Variants in CCSER2 observed in about 807,000 individuals in gnomAD.
CCSER2 encodes serine-rich coiled-coil domain-containing protein 2.
A neutral mutation model predicts 92.3 loss-of-function variants in CCSER2; 46 were observed. That is an observed-to-expected ratio of 0.50 (90% confidence interval 0.39 to 0.64). The LOEUF (loss-of-function observed/expected upper bound fraction) is 0.64, where lower values mean the gene tolerates loss of function less well. CCSER2 is among the 30% of genes least tolerant of loss of function. The probability of loss-of-function intolerance (pLI) is 0.00; values close to 1 mark genes in which losing one functional copy is unlikely to be tolerated. For synonymous variants in CCSER2, 433 were observed against 431.4 expected (o/e 1.00, Z -0.04); for missense variants, 1,244 against 1,238.9 (o/e 1.00, Z -0.06).
rs180711813 is a variant in CCSER2 at position 84,505,342 on chromosome 10, G to A, written c.2326-8107G>A. On this transcript the variant is annotated intron_variant, in intron 9 of 9. Transcript: ENST00000372088. ...CTCTCTTTTCTTAGATTTCCTGGAA[G>A]GATATCATTTAATTAAAGGGTATAC... is the stretch of plus-strand genomic sequence containing the variant. Among the ~76,000 whole-genome samples the A allele has an allele frequency of 5.9e-3, 905 of 152,132 alleles. 9 individuals carry two copies. The highest frequency in any genetic ancestry group is 0.019 in the South Asian group (93 of 4,824).
intron 3 of CCSER2, among the ~76,000 whole-genome samples, chr10:84,379,109 A>C (rs1846503665): frequency 1.3e-5 from 2 of 152,156 alleles, no homozygotes; most frequent in African/African-American, 4.8e-5. Context: ...CTGGACCTGG[A>C]GTTTTCTTTA....
At chr10:84,387,518 A>G (rs1841285031) in intron 3 of CCSER2, among the ~76,000 whole-genome samples, 1 of 151,756 alleles carries the variant, frequency 6.6e-6, no homozygotes, top group East Asian at 1.9e-4. Flanking sequence ...TCATACCTGC[A>G]CTGAAGTAAT....
chr10:84,364,014 A>C (rs901124411), intron 1 of CCSER2, among the ~76,000 whole-genome samples: 1 of 152,234 alleles, frequency 6.6e-6, no homozygotes, highest in Non-Finnish European at 1.5e-5. Flanking sequence ...TTGTAACACA[A>C]TGGTAAGGAA....
chr10:84,328,949 C>T (rs1015582918), intron 1 of CCSER2, 141 bp downstream of exon 1: 13 of 151,880 alleles, frequency 8.6e-5, no homozygotes, highest in African/African-American at 3.1e-4. Flanking sequence ...CGTACCCGGC[C>T]TCCAGGGTGA....
chr10:84,510,955 T>C lies in CCSER2; in HGVS notation c.2326-2494T>C, dbSNP rs145644395. 2.3e-3 allele frequency among the ~76,000 whole-genome samples: 346 copies of C among 152,326 alleles called. 3 individuals carry two copies. The highest frequency in any genetic ancestry group is 8.0e-3 in the African/African-American group (333 of 41,570). ...AGTGGAATTGATTTTCCAAATATAGTTACCAAATAAATAATAAAGCAAGAC... is the reference window on the plus strand; with the variant it reads ...AGTGGAATTGATTTTCCAAATATAGCTACCAAATAAATAATAAAGCAAGAC... On this transcript the variant is annotated intron_variant, in intron 9 of 9. Transcript: ENST00000372088.
intron 3 of CCSER2, among the ~76,000 whole-genome samples, chr10:84,375,622 C>A (rs1326372888): frequency 6.7e-6 from 1 of 148,978 alleles, no homozygotes; most frequent in Non-Finnish European, 1.5e-5. Flanking sequence ...TTTTCACACT[C>A]CTTTTTTTCC....
At chr10:84,456,708 G>A (rs141054847) in intron 6 of CCSER2, among the ~76,000 whole-genome samples, 119 of 152,232 alleles carry the variant, frequency 7.8e-4, no homozygotes, top group African/African-American at 2.7e-3. Context: ...CACTAGCAAT[G>A]TAAGAATGTA....
intron 3 of CCSER2, among the ~76,000 whole-genome samples, chr10:84,382,368 AG>A (rs1368746245): frequency 2.0e-5 from 3 of 152,202 alleles, no homozygotes; most frequent in African/African-American, 7.2e-5. Flanking sequence ...CTAATAGGTT[AG>A]GAAGTAGTTT....
At chr10:84,511,533 T>C (rs1012456053) in intron 9 of CCSER2, among the ~76,000 whole-genome samples, 5 of 152,234 alleles carry the variant, frequency 3.3e-5, no homozygotes, top group African/African-American at 1.2e-4. Context: ...CATTTTTAAA[T>C]TGTCACTGAT....
At chr10:84,486,187 A>G (rs1176165405) in intron 9 of CCSER2, among the ~76,000 whole-genome samples, 2 of 152,198 alleles carry the variant, frequency 1.3e-5, no homozygotes, top group Admixed American at 6.5e-5. Context: ...TATTGTGAAT[A>G]GTGCTGCAGT....
At chr10:84,381,700 G>A (rs1417588645) in intron 3 of CCSER2, among the ~76,000 whole-genome samples, 1 of 152,022 alleles carries the variant, frequency 6.6e-6, no homozygotes, top group African/African-American at 2.4e-5. Flanking sequence ...GGCTGAGGCA[G>A]GTGGATCACC....
chr10:84,332,384 T>C (rs990349678), intron 1 of CCSER2, among the ~76,000 whole-genome samples: 1 of 146,046 alleles, frequency 6.8e-6, no homozygotes, highest in Admixed American at 6.8e-5. Flanking sequence ...GTAGGCTTTA[T>C]AGATTTTATA....
chr10:84,435,475 A>G lies in CCSER2; in HGVS notation c.1869-3037A>G, dbSNP rs1404813614. Among the ~76,000 whole-genome samples the G allele has an allele frequency of 2.6e-5, 4 of 152,204 alleles. No homozygotes were observed. The East Asian group carries it at 7.7e-4, about 29-fold the overall frequency. ...TCCCTTTCTAATGCTCTCTCACTTG[A>G]CAAAATAAGAAGTACCTTTTAATTT... On this transcript the variant is annotated intron_variant, in intron 5 of 9. Coordinates refer to ENST00000372088, the MANE Select transcript of CCSER2 (RefSeq NM_001284240.2).
chr10:84,389,436 A>T, intron 3 of CCSER2: 1 of 453,324 alleles, frequency 2.2e-6, no homozygotes, highest in South Asian at 1.6e-5. Context: ...GCAGAGGGAG[A>T]AGGTACCACG....
intron 4 of CCSER2, among the ~76,000 whole-genome samples, chr10:84,424,295 A>C (rs979943549): frequency 6.6e-6 from 1 of 152,094 alleles, no homozygotes; most frequent in African/African-American, 2.4e-5. Flanking sequence ...AAAAAAAAAA[A>C]ACTTGGTTTA....
chr10:84,416,634 T>C (rs946887696), intron 3 of CCSER2, among the ~76,000 whole-genome samples: 1 of 152,176 alleles, frequency 6.6e-6, no homozygotes, highest in African/African-American at 2.4e-5. Context: ...TTCCCTTCTA[T>C]AAGAGTTTTT....
intron 9 of CCSER2, among the ~76,000 whole-genome samples, 200 bp from the exon 10 acceptor site, chr10:84,513,249 A>G (rs1392526388): frequency 6.6e-6 from 1 of 152,086 alleles, no homozygotes; most frequent in African/African-American, 2.4e-5. Context: ...TACTGCCTGT[A>G]TCATTTTTTG....
chr10:84,399,470 A>G (rs1207758363), intron 3 of CCSER2, among the ~76,000 whole-genome samples: 1 of 152,192 alleles, frequency 6.6e-6, no homozygotes, highest in Admixed American at 6.6e-5. Flanking sequence ...GGGTGTCACA[A>G]TAAGAGTCGG....
At chr10:84,400,970 T>G (rs1842088258) in intron 3 of CCSER2, among the ~76,000 whole-genome samples, 2 of 151,572 alleles carry the variant, frequency 1.3e-5, no homozygotes, top group Admixed American at 6.6e-5. Flanking sequence ...ACCTGTAATC[T>G]TAGTACTTTG....
Sources: allele counts gnomAD v4.1 joint callset (sites outside exome capture counted in the v4.1 genomes callset), GRCh38; gene constraint gnomAD v4.1.1; transcripts MANE v1.5; gene names NCBI Gene and HGNC (gene_info 2026-07-23, HGNC 2026-07-21).